Variants in PYGM observed in about 807,000 individuals in gnomAD.
The protein encoded by PYGM is glycogen phosphorylase, muscle form.
Under a neutral mutation model 99.3 loss-of-function variants are expected in PYGM, and 81 were observed. That is an observed-to-expected ratio of 0.82 (90% CI 0.68 to 0.98). The LOEUF is 0.98. Ranked by LOEUF, PYGM falls within the 50% of genes least tolerant of loss-of-function variation. PYGM has a pLI of 0.00. For missense variants in PYGM, 1,030 were observed against 1,158.1 expected (o/e 0.89, Z 1.61); for synonymous variants, 436 against 451.5 (o/e 0.97, Z 0.44).
Position 64,758,473 on chromosome 11 carries a change from C to A in PYGM, c.388G>T (p.Ala130Ser), listed in dbSNP as rs1385683915. ...CCCAGGCCCCCGTTGCCCAGCCCCGCATCCTCCTCAATTTCCTCCAGCTCC... is the reference window on the plus strand; with the variant it reads ...CCCAGGCCCCCGTTGCCCAGCCCCGAATCCTCCTCAATTTCCTCCAGCTCC... ...MEELEEIEED[A>S]GLGNGGLGRL... The change falls in exon 3 of 20, where the codon GCG becomes TCG. Residue 130 changes from alanine (A) to serine (S), a missense_variant. Physicochemically the swap from Ala to Ser is moderately conservative, Grantham distance 99. Transcript: ENST00000164139. 2.5e-6 allele frequency: 4 copies of A among 1,614,138 alleles called. No individual in the cohort carries two copies.
rs1185581162 is a variant in PYGM, at chr11:64,754,948, C to T, written c.856-112G>A. On this transcript the variant is annotated intron_variant, in intron 7 of 19. Transcript: ENST00000164139. This position sits in a 1 kb window ranked among gnomAD's most constrained non-coding sequence, Gnocchi z 5.5. ...CATACCGGGACCCCTGAGCCCTGAGCCGGCCCCCTCTCTGGGACCCAGGGG... is the reference window on the plus strand; with the variant it reads ...CATACCGGGACCCCTGAGCCCTGAGTCGGCCCCCTCTCTGGGACCCAGGGG... 4 of 1,448,418 alleles carry T rather than the reference C, an allele frequency of 2.8e-6. No individual in the cohort carries two copies. Among genetic ancestry groups the T allele is most frequent in the African/African-American group, 1.4e-5 (1 of 71,112 alleles). The allele number at this position is 1,448,418 out of a possible 1,614,324, so 89.7% of individuals were successfully genotyped here.
Position 64,754,500 on chromosome 11 carries a change from G to T in PYGM, c.1000-155C>A. 1 of 951,506 alleles carries T rather than the reference G, an allele frequency of 1.1e-6. No individual in the cohort carries two copies. Among genetic ancestry groups the T allele is most frequent in the Non-Finnish European group, 1.6e-6 (1 of 628,952 alleles). The allele number at this position is 951,506 out of a possible 1,614,324, so 58.9% of individuals were successfully genotyped here. On this transcript the variant is annotated intron_variant, in intron 8 of 19. Transcript: ENST00000164139. This position sits in a 1 kb window ranked among gnomAD's most constrained non-coding sequence, Gnocchi z 5.5. Reference sequence around the variant, plus strand: ...CGGTGCTCATGGGGGTGGGAGGAATGGGGGGAGTGGGGCGGGAGGAGGAGG... The same window carrying T: ...CGGTGCTCATGGGGGTGGGAGGAATTGGGGGAGTGGGGCGGGAGGAGGAGG...
intron 12 of PYGM, 25 bp from the exon 13 acceptor site, chr11:64,752,529 A>C: frequency 1.3e-6 from 2 of 1,599,562 alleles, no homozygotes; most frequent in Non-Finnish European, 1.7e-6. Flanking sequence ...CTCTCAGCCA[A>C]GCCCATCCCC....
In PYGM at chr11:64,747,175, G is replaced by A. The variant is rs202015209; in HGVS notation, c.2312+49C>T. Reference sequence around the variant, plus strand: ...CTTCCCCACCACACACCTGAGCCTCGATCTGCCCTGCGGCCCCACCTGAGT... The same window carrying A: ...CTTCCCCACCACACACCTGAGCCTCAATCTGCCCTGCGGCCCCACCTGAGT... On this transcript the variant is annotated intron_variant, in intron 18 of 19. Coordinates refer to ENST00000164139, the MANE Select transcript of PYGM (RefSeq NM_005609.4). 210 of 1,608,532 alleles carry A rather than the reference G, an allele frequency of 1.3e-4. No individual in the cohort carries two copies. The African/African-American group carries it at 2.5e-3, about 19-fold the overall frequency.
At chr11:64,760,067 G>T, upstream of PYGM, 1 of 1,123,214 alleles carries the variant, frequency 8.9e-7, no homozygotes, top group Non-Finnish European at 1.2e-6. Flanking sequence ...TGGCAGCTCA[G>T]GGAGCTATTT....
rs748486465 is a variant in PYGM at position 64,755,268 on chromosome 11, C to T, written c.855+5G>A. 8 of 1,613,388 alleles carry T rather than the reference C, an allele frequency of 5.0e-6. No homozygotes were observed. The highest frequency in any genetic ancestry group is 3.3e-5 in the Admixed American group (2 of 60,002). On this transcript the variant is annotated splice_donor_5th_base_variant and intron_variant, in intron 7 of 19. Transcript: ENST00000164139. The surrounding 1 kb of genome is among the most constrained non-coding windows in gnomAD (Gnocchi z 4.1). Reference sequence around the variant, plus strand: ...TTCCAGCCCCCAGCCCAGGGGGTGACGCACATTATCATTGGGGTACAGGAC... The same window carrying T: ...TTCCAGCCCCCAGCCCAGGGGGTGATGCACATTATCATTGGGGTACAGGAC...
chr11:64,749,486 C>CA (rs2058338441), intron 17 of PYGM, among the ~76,000 whole-genome samples: 1 of 151,320 alleles, frequency 6.6e-6, no homozygotes. Context: ...ACTAAAAATG[C>CA]AAAAAATTAG....
rs1413766441 is a variant in PYGM, at chr11:64,755,362, G to A, written c.773-7C>T. The A allele has an allele frequency of 1.9e-6, 3 of 1,614,006 alleles. No individual in the cohort carries two copies. The highest frequency in any genetic ancestry group is 1.7e-5 in the Admixed American group (1 of 60,014). On this transcript the variant is annotated splice_polypyrimidine_tract_variant and splice_region_variant and intron_variant, in intron 6 of 19. Coordinates refer to ENST00000164139, the MANE Select transcript of PYGM (RefSeq NM_005609.4). The surrounding 1 kb of genome is among the most constrained non-coding windows in gnomAD (Gnocchi z 4.1). ...ATGTAGCCACCGACATTGACTGAGG[G>A]ACAAAAGTGGGGACAGGGTAAGGCC...
Position 64,754,724 on chromosome 11 carries a change from A to G in PYGM, c.968T>C (p.Val323Ala), listed in dbSNP as rs1294857389. Residue 323 changes from valine (V) to alanine (A), a missense_variant, in exon 8 of 20, where the codon GTG becomes GCG. Coordinates refer to ENST00000164139, the MANE Select transcript of PYGM (RefSeq NM_005609.4). This position sits in a 1 kb window ranked among gnomAD's most constrained non-coding sequence, Gnocchi z 5.5. ...KSSKFGCRDP[V>A]RTNFDAFPDK... ...TGGGAAGGCATCGAAGTTCGTGCGCACGGGATCACGGCAGCCGAACTTGGA... is the reference window on the plus strand; with the variant it reads ...TGGGAAGGCATCGAAGTTCGTGCGCGCGGGATCACGGCAGCCGAACTTGGA... The G allele has an allele frequency of 6.2e-7, 1 of 1,613,862 alleles. No homozygotes were observed. The highest frequency in any genetic ancestry group is 8.5e-7 in the Non-Finnish European group (1 of 1,179,986).
In PYGM at chr11:64,746,912, A is replaced by ACC. The variant is rs1423969542; in HGVS notation, c.2379+7_2379+8dup. On this transcript the variant is annotated intron_variant, in intron 19 of 19. Transcript: ENST00000164139. The stretch of plus-strand genomic sequence containing the variant: ...AAGCCCTGCCAACCCCTGGCCCAGG[A>ACC]CCCCTCACCTTGTACAAGGCGCTGA... The ACC allele has an allele frequency of 6.2e-7, 1 of 1,614,008 alleles. No individual in the cohort carries two copies. The highest frequency in any genetic ancestry group is 8.5e-7 in the Non-Finnish European group (1 of 1,180,016).
rs368494132 is a variant in PYGM at position 64,753,830 on chromosome 11, T to A, written c.1239+49A>T. Reference sequence around the variant, plus strand: ...GACGCCCCGACTCCCAGGCCCAGACTGGGTGTCCCCCCTCACCCCCACACC... The same window carrying A: ...GACGCCCCGACTCCCAGGCCCAGACAGGGTGTCCCCCCTCACCCCCACACC... On this transcript the variant is annotated intron_variant, in intron 10 of 19. Coordinates refer to ENST00000164139, the MANE Select transcript of PYGM (RefSeq NM_005609.4). 1.2e-5 allele frequency: 18 copies of A among 1,538,832 alleles called. 1 individual carries two copies. Among genetic ancestry groups the A allele is most frequent in the Non-Finnish European group, 1.6e-5 (18 of 1,142,080 alleles).
rs1266215867 is a variant in PYGM, at chr11:64,755,393, T to G, written c.773-38A>C. 1 of 1,612,304 alleles carries G rather than the reference T, an allele frequency of 6.2e-7. No individual in the cohort carries two copies. The highest frequency in any genetic ancestry group is 1.7e-5 in the Admixed American group (1 of 60,030). On this transcript the variant is annotated intron_variant, in intron 6 of 19. Transcript: ENST00000164139. This position sits in a 1 kb window ranked among gnomAD's most constrained non-coding sequence, Gnocchi z 4.1. ...AGTGGGGACAGGGTAAGGCCTGCGC[T>G]GGGCGTGGCCGGCGGGCAAGCTGGG... is the stretch of plus-strand genomic sequence containing the variant.
chr11:64,750,498 G>C lies in PYGM; in HGVS notation c.2055C>G (p.Asn685Lys). The change falls in exon 17 of 20, where the codon AAC (asparagine) becomes AAG (lysine). Residue 685 changes from asparagine (N) to lysine (K), a missense_variant. By Grantham distance (94) the Asn-to-Lys change is moderately conservative (BLOSUM62 0). Coordinates refer to ENST00000164139, the MANE Select transcript of PYGM (RefSeq NM_005609.4). The stretch of plus-strand genomic sequence containing the variant: ...CCATGGTGCCAATGGTCAGAGCCCC[G>C]TTGAGCATGAACTTCATGTTGCCGG... ...SGTGNMKFMLNGALTIGTMDG... is the reference protein window; with the variant it reads ...SGTGNMKFMLKGALTIGTMDG... 1 of 1,614,186 alleles carries C rather than the reference G, an allele frequency of 6.2e-7. No individual in the cohort carries two copies. The highest frequency in any genetic ancestry group is 8.5e-7 in the Non-Finnish European group (1 of 1,180,040).
At chr11:64,750,960 C>T (rs558981977) in intron 16 of PYGM, among the ~76,000 whole-genome samples, 1 of 152,186 alleles carries the variant, frequency 6.6e-6, no homozygotes, top group South Asian at 2.1e-4. Context: ...GGCGTGATCT[C>T]GGCTCACTGC....
chr11:64,758,749 C>T, intron 1 of PYGM, 45 bp from the exon 2 acceptor site: 2 of 1,512,930 alleles, frequency 1.3e-6, no homozygotes, highest in African/African-American at 1.4e-5. Flanking sequence ...CAGGGCCACA[C>T]ACCAACACTC....
chr11:64,748,485 A>G (rs1239845529), intron 17 of PYGM: 1 of 152,200 alleles, frequency 6.6e-6, no homozygotes, highest in Non-Finnish European at 1.5e-5. Context: ...CAGTTTGGCA[A>G]TCTGTATCAA....
Position 64,754,293 on chromosome 11 carries a change from A to T in PYGM, c.1052T>A (p.Met351Lys). ...CCGTTCCAGGTCCACCAGGATCCTCATCAGCTCGGGGATGGCCAGGGAGGG... is the reference window on the plus strand; with the variant it reads ...CCGTTCCAGGTCCACCAGGATCCTCTTCAGCTCGGGGATGGCCAGGGAGGG... ...THPSLAIPEL[M>K]RILVDLERMD... is the part of the protein sequence containing the mutation. The change falls in exon 9 of 20, where the codon ATG (methionine) becomes AAG (lysine). Residue 351 changes from methionine to lysine, a missense_variant. Met to Lys is a moderately conservative substitution (Grantham distance 95). Coordinates refer to ENST00000164139, the MANE Select transcript of PYGM (RefSeq NM_005609.4). The surrounding 1 kb of genome is among the most constrained non-coding windows in gnomAD (Gnocchi z 5.5). 1 of 1,613,776 alleles carries T rather than the reference A, an allele frequency of 6.2e-7. No homozygotes were observed. Among genetic ancestry groups the T allele is most frequent in the Non-Finnish European group, 8.5e-7 (1 of 1,179,904 alleles).
Position 64,746,648 on chromosome 11 carries a change from G to C in PYGM, c.*11C>G. 1.9e-6 allele frequency: 3 copies of C among 1,614,102 alleles called. No homozygotes were observed. Among genetic ancestry groups the C allele is most frequent in the South Asian group, 1.1e-5 (1 of 91,090 alleles). On this transcript the variant is annotated 3_prime_UTR_variant, in exon 20 of 20. Coordinates refer to ENST00000164139, the MANE Select transcript of PYGM (RefSeq NM_005609.4). ...AGACTCAAGGGCTGGTTTGGGGTCT[G>C]GTCTGGAGGCTCAGATGGCCTCATC...
At chr11:64,751,490 A>C in intron 15 of PYGM, 24 bp from the exon 16 acceptor site, 4 of 1,614,170 alleles carry the variant, frequency 2.5e-6, no homozygotes, top group Non-Finnish European at 3.4e-6. Context: ...GTCTGGGGTC[A>C]GCTCTACTGC....
Sources: gnomAD v4.1 joint callset for allele counts (sites outside exome capture counted in the v4.1 genomes callset) on GRCh38, gnomAD v4.1.1 for gene constraint, Gnocchi (gnomAD v3.1) non-coding constraint, MANE v1.5 for transcripts, NCBI Gene and HGNC (gene_info 2026-07-23, HGNC 2026-07-21) for gene names.